MGAT5: variants seen among roughly 807,000 people sequenced by gnomAD.
The protein encoded by MGAT5 is alpha-1,6-mannosylglycoprotein 6-beta-N-acetylglucosaminyltransferase, also known as alpha-1,6-mannosylglycoprotein 6-beta-N-acetylglucosaminyltransferase A.
In MGAT5, 30 loss-of-function variants were observed where a neutral mutation model predicts 94.3. That is an observed-to-expected ratio of 0.32 (90% CI 0.24 to 0.43). MGAT5 has a LOEUF of 0.43. MGAT5 is among the 20% of genes least tolerant of loss of function. MGAT5 has a pLI of 1.00. For synonymous variants in MGAT5, 310 were observed against 322.9 expected (o/e 0.96, Z 0.43); for missense variants, 691 against 905.5 (o/e 0.76, Z 3.04).
chr2:134,396,647 C>T (rs1048969042), intron 10 of MGAT5, among the ~76,000 whole-genome samples: 3 of 152,174 alleles, frequency 2.0e-5, no homozygotes, highest in Non-Finnish European at 4.4e-5. Flanking sequence ...GTGCCGTGCC[C>T]GAGATCCATG....
At chr2:134,333,442 G>A (rs1210455612) in intron 4 of MGAT5, among the ~76,000 whole-genome samples, 1 of 110,694 alleles carries the variant, frequency 9.0e-6, no homozygotes, top group African/African-American at 3.5e-5. Context: ...TGTGGGGTGG[G>A]GGGAGGGGGG....
intron 2 of MGAT5, among the ~76,000 whole-genome samples, chr2:134,276,583 A>G (rs1375438469): frequency 6.6e-6 from 1 of 152,256 alleles, no homozygotes; most frequent in Non-Finnish European, 1.5e-5. Context: ...AGCAATATTG[A>G]AGAAAATGAG....
chr2:134,323,753 C>A (rs1020903602), intron 4 of MGAT5, among the ~76,000 whole-genome samples: 1 of 151,974 alleles, frequency 6.6e-6, no homozygotes, highest in East Asian at 1.9e-4. Flanking sequence ...ATTTCGATAC[C>A]CTACGCCTCC....
chr2:134,315,097 G>A (rs894036285), intron 2 of MGAT5, among the ~76,000 whole-genome samples: 2 of 152,322 alleles, frequency 1.3e-5, no homozygotes, highest in Middle Eastern at 3.4e-3. Context: ...CACACTGTCA[G>A]CCCTGGGGCG....
At chr2:134,321,717 T>G (rs868628282) in intron 4 of MGAT5, among the ~76,000 whole-genome samples, 1 of 152,200 alleles carries the variant, frequency 6.6e-6, no homozygotes, top group Non-Finnish European at 1.5e-5. Flanking sequence ...TTTTTGTTGC[T>G]TGGCTGAATT....
chr2:134,427,927 G>C (rs1031993082), intron 13 of MGAT5, among the ~76,000 whole-genome samples: 3 of 152,186 alleles, frequency 2.0e-5, no homozygotes, highest in Non-Finnish European at 4.4e-5. Context: ...TTCAACAGAT[G>C]TTTGCTAATT....
rs1189131628 is a variant in MGAT5 at position 134,338,430 on chromosome 2, T to A, written c.807+10T>A. On this transcript the variant is annotated intron_variant, in intron 6 of 15. Coordinates refer to ENST00000281923, the MANE Select transcript of MGAT5 (RefSeq NM_002410.5). Reference sequence around the variant, plus strand: ...GAGAAAGCGGAAGAAAGTGAGTTTCTTATTAATTCAGTGCAGTTAGATGCC... The same window carrying A: ...GAGAAAGCGGAAGAAAGTGAGTTTCATATTAATTCAGTGCAGTTAGATGCC... 6.3e-7 allele frequency: 1 copy of A among 1,591,162 alleles called. No homozygotes were observed. The highest frequency in any genetic ancestry group is 1.4e-5 in the African/African-American group (1 of 73,528).
chr2:134,235,080 G>C (rs184772177), intron 1 of MGAT5, among the ~76,000 whole-genome samples: 120 of 152,160 alleles, frequency 7.9e-4, no homozygotes, highest in African/African-American at 2.7e-3. Context: ...AAAATTGGAA[G>C]ATCTAGCTAA....
In MGAT5 at chr2:134,212,451, C is replaced by G. The variant is rs1171852714; in HGVS notation, c.-142-41811C>G. ...ATTTCTGCCTTCATTTCGTTATGTA[C>G]CCAGTAGTCATTCAGGAGCAGGTTG... On this transcript the variant is annotated intron_variant, in intron 1 of 16. Transcript: ENST00000409645. 1.4e-4 allele frequency among the ~76,000 whole-genome samples: 5 copies of G among 36,434 alleles called. 2 individuals are homozygous for G. The highest frequency in any genetic ancestry group is 6.7e-4 in the African/African-American group (2 of 2,966). The allele number at this position is 36,434 out of a possible 152,430, so 23.9% of individuals were successfully genotyped here.
chr2:134,257,736 G>A (rs1431598574), intron 1 of MGAT5, among the ~76,000 whole-genome samples: 2 of 151,080 alleles, frequency 1.3e-5, no homozygotes, highest in African/African-American at 4.8e-5. Flanking sequence ...AGCTCTGGTA[G>A]TTAATGTCAC....
chr2:134,389,453 T>G (rs1040568227), intron 10 of MGAT5, among the ~76,000 whole-genome samples: 1 of 152,296 alleles, frequency 6.6e-6, no homozygotes, highest in East Asian at 1.9e-4. Context: ...AGGAAGGCTG[T>G]TTCTCACTTT....
chr2:134,166,159 C>T (rs768718490), intron 1 of MGAT5, among the ~76,000 whole-genome samples: 7 of 152,084 alleles, frequency 4.6e-5, no homozygotes, highest in Admixed American at 3.9e-4. Context: ...TCTTTTCACA[C>T]GTATTGAGCC....
intron 15 of MGAT5, among the ~76,000 whole-genome samples, chr2:134,443,253 G>A (rs935191322): frequency 2.6e-5 from 4 of 151,996 alleles, no homozygotes; most frequent in African/African-American, 4.8e-5. Context: ...GCAGTGGCGC[G>A]ATCTTGGCTT....
At chr2:134,126,219 A>C (rs1238543602) in intron 1 of MGAT5, among the ~76,000 whole-genome samples, 1 of 152,144 alleles carries the variant, frequency 6.6e-6, no homozygotes, top group Non-Finnish European at 1.5e-5. Context: ...CCAAATAAAT[A>C]GTCACTGGCT....
chr2:134,294,321 C>G (rs1310481047), intron 2 of MGAT5, among the ~76,000 whole-genome samples: 1 of 152,142 alleles, frequency 6.6e-6, no homozygotes, highest in Non-Finnish European at 1.5e-5. Context: ...GTTTCCAAGT[C>G]TTAATATAAG....
At chr2:134,222,720 G>A (rs1484244462) in intron 1 of MGAT5, among the ~76,000 whole-genome samples, 3 of 152,250 alleles carry the variant, frequency 2.0e-5, no homozygotes, top group East Asian at 3.8e-4. Context: ...TTTTTCCTCC[G>A]CAGGACTCCC....
In MGAT5 at chr2:134,152,456, C is replaced by T. The variant is rs527779229; in HGVS notation, c.-143+32165C>T. Among the ~76,000 whole-genome samples, 25 of 152,032 alleles carry T rather than the reference C, an allele frequency of 1.6e-4. No individual in the cohort carries two copies. The South Asian group carries it at 5.2e-3, about 32-fold the overall frequency. On this transcript the variant is annotated intron_variant, in intron 1 of 16. Transcript: ENST00000409645. Reference sequence around the variant, plus strand: ...TCACTCACGCCCTATGGGACCCGTCCACTGCCATGGGACCTCACTCACTCA... The same window carrying T: ...TCACTCACGCCCTATGGGACCCGTCTACTGCCATGGGACCTCACTCACTCA...
At chr2:134,382,600 A>C (rs1046244618) in intron 10 of MGAT5, among the ~76,000 whole-genome samples, 1 of 152,152 alleles carries the variant, frequency 6.6e-6, no homozygotes, top group African/African-American at 2.4e-5. Context: ...ACTTAGGTAG[A>C]GCTTTTAAGC....
intron 1 of MGAT5, among the ~76,000 whole-genome samples, chr2:134,236,007 C>G (rs1681620635): frequency 6.6e-6 from 1 of 152,106 alleles, no homozygotes; most frequent in Non-Finnish European, 1.5e-5. Context: ...TGAAAACATC[C>G]AAGTAGCTGG....
Sources: allele counts gnomAD v4.1 joint callset (sites outside exome capture counted in the v4.1 genomes callset), GRCh38; gene constraint gnomAD v4.1.1; transcripts MANE v1.5; gene names NCBI Gene and HGNC (gene_info 2026-07-23, HGNC 2026-07-21).